Variants in UBE3B observed in about 807,000 individuals in gnomAD.
UBE3B encodes the protein ubiquitin-protein ligase E3B.
Under a neutral mutation model 132.3 loss-of-function variants are expected in UBE3B, and 80 were observed. The observed-to-expected ratio is 0.60, with a 90% CI of 0.50 to 0.73. The LOEUF is 0.73. Among genes scored for constraint, UBE3B ranks in the 30% least tolerant of loss-of-function variants. The probability of loss-of-function intolerance (pLI) is 0.00; values close to 1 mark genes in which losing one functional copy is unlikely to be tolerated. For missense variants in UBE3B, 1,196 were observed against 1,362.5 expected (o/e 0.88, Z 1.92); for synonymous variants, 487 against 520.4 (o/e 0.94, Z 0.87).
Position 109,521,051 on chromosome 12 carries a change from A to G in UBE3B, c.2077-97A>G. The stretch of plus-strand genomic sequence containing the variant: ...CGTTTCATAATTTGCACATTTGGTA[A>G]TGATGCTGGGAGAGCTTCGCACAGA... On this transcript the variant is annotated intron_variant, in intron 19 of 27. Transcript: ENST00000342494. This position sits in a 1 kb window ranked among gnomAD's most constrained non-coding sequence, Gnocchi z 4.2. 1 of 1,409,624 alleles carries G rather than the reference A, an allele frequency of 7.1e-7. No individual in the cohort carries two copies. The highest frequency in any genetic ancestry group is 9.7e-7 in the Non-Finnish European group (1 of 1,031,722). 87.3% of individuals were successfully genotyped at this position (1,409,624 alleles called of 1,614,324 possible). A position where few individuals can be genotyped will look rare whatever the true frequency, so the allele number is the denominator to read the frequency against.
At chr12:109,516,209 TC>T (rs1881033943) in intron 18 of UBE3B, among the ~76,000 whole-genome samples, 1 of 140,292 alleles carries the variant, frequency 7.1e-6, no homozygotes, top group Non-Finnish European at 1.5e-5. Context: ...TCTCACTCTG[TC>T]CCCCAGGCTG....
At chr12:109,487,130 G>C (rs1381522613) in intron 6 of UBE3B, among the ~76,000 whole-genome samples, 3 of 152,124 alleles carry the variant, frequency 2.0e-5, no homozygotes, top group Non-Finnish European at 2.9e-5. Flanking sequence ...TTGACTAAAG[G>C]GAGGAGAGGC....
intron 26 of UBE3B, among the ~76,000 whole-genome samples, chr12:109,530,921 C>CCGT (rs531371066): frequency 9.8e-5 from 15 of 152,306 alleles, no homozygotes; most frequent in South Asian, 2.1e-4. Context: ...GCTCGGCACT[C>CCGT]CGTCCTCCCC....
At chr12:109,531,183 TTGCTTAGGCTGA>T (rs1157097810) in intron 26 of UBE3B, among the ~76,000 whole-genome samples, 1 of 152,114 alleles carries the variant, frequency 6.6e-6, no homozygotes, top group Admixed American at 6.5e-5. Context: ...ACACACACAA[TTGCTTAGGCTGA>T]TATCAAGATG....
chr12:109,537,494 AGAACCC>A (rs1883496908), downstream of UBE3B, among the ~76,000 whole-genome samples: 1 of 152,206 alleles, frequency 6.6e-6, no homozygotes, highest in Admixed American at 6.5e-5. Context: ...CAGTCAGGAA[AGAACCC>A]TGGAGAGGCT....
intron 26 of UBE3B, among the ~76,000 whole-genome samples, chr12:109,532,709 G>T (rs1409856254): frequency 6.6e-6 from 1 of 152,198 alleles, no homozygotes; most frequent in African/African-American, 2.4e-5. Flanking sequence ...GGAGAACGCC[G>T]GGAGTTCCCA....
intron 9 of UBE3B, 150 bp from the exon 10 acceptor site, chr12:109,497,668 C>T (rs944743345): frequency 3.5e-5 from 26 of 744,680 alleles, no homozygotes; most frequent in African/African-American, 2.9e-4. Flanking sequence ...TGTCCATTTC[C>T]CCAGTGTATG....
intron 19 of UBE3B, chr12:109,520,046 C>T (rs1881512540): frequency 6.6e-6 from 1 of 152,246 alleles, no homozygotes; most frequent in South Asian, 2.1e-4. Flanking sequence ...TGGAGACAGC[C>T]TGTCTAACCT....
intron 16 of UBE3B, 133 bp from the exon 17 acceptor site, chr12:109,510,211 C>T (rs1206328798): frequency 6.9e-6 from 5 of 726,252 alleles, no homozygotes; most frequent in Non-Finnish European, 1.1e-5. Context: ...CCTTTTAATT[C>T]TGTCGGTTCC....
At chr12:109,490,282 A>G in intron 8 of UBE3B, 1 of 1,156,910 alleles carries the variant, frequency 8.6e-7, no homozygotes, top group Non-Finnish European at 1.2e-6. Context: ...AGGAGACCTC[A>G]GGGCTTGTTC....
chr12:109,498,654 A>G (rs1255773321), intron 11 of UBE3B, among the ~76,000 whole-genome samples: 1 of 152,148 alleles, frequency 6.6e-6, no homozygotes, highest in Non-Finnish European at 1.5e-5. Context: ...TTCCCATCTC[A>G]AGAGAGAAGG....
intron 27 of UBE3B, 169 bp downstream of exon 27, chr12:109,533,727 C>T: frequency 1.2e-6 from 1 of 843,776 alleles, no homozygotes; most frequent in Non-Finnish European, 1.9e-6. Context: ...GGAGAACCAG[C>T]CAGCCCCAGA....
chr12:109,500,011 G>A (rs1315396257), intron 12 of UBE3B, among the ~76,000 whole-genome samples: 1 of 152,196 alleles, frequency 6.6e-6, no homozygotes. Context: ...TAACTTGAGT[G>A]AACATCCTGT....
chr12:109,489,123 A>G (rs1351280594), intron 7 of UBE3B, among the ~76,000 whole-genome samples: 1 of 152,248 alleles, frequency 6.6e-6, no homozygotes, highest in African/African-American at 2.4e-5. Context: ...TAGCCCATAC[A>G]TGCCAGATGC....
At chr12:109,512,300 T>C (rs1271790725) in intron 18 of UBE3B, among the ~76,000 whole-genome samples, 1 of 152,016 alleles carries the variant, frequency 6.6e-6, no homozygotes, top group Non-Finnish European at 1.5e-5. Context: ...TCCAGGGCAC[T>C]GAGGCAGAGC....
intron 8 of UBE3B, 22 bp from the exon 9 acceptor site, chr12:109,491,023 C>T (rs760078845): frequency 4.8e-5 from 78 of 1,609,696 alleles, no homozygotes; most frequent in Non-Finnish European, 3.4e-6. Context: ...CATCCTCTGA[C>T]CAATTAAAAC....
intron 24 of UBE3B, 58 bp from the exon 25 acceptor site, chr12:109,529,832 G>T: frequency 6.3e-7 from 1 of 1,595,606 alleles, no homozygotes; most frequent in Non-Finnish European, 8.6e-7. Flanking sequence ...CAGCCCATTG[G>T]TGACAGCCTG....
At position 109,530,565 on chromosome 12, in the gene UBE3B, C is replaced by T. The variant is rs145480324; in HGVS notation, c.2829C>T (p.Tyr943=). The T allele has an allele frequency of 2.0e-5, 33 of 1,614,044 alleles. No homozygotes were observed. Among genetic ancestry groups the T allele is most frequent in the Non-Finnish European group, 2.2e-5 (26 of 1,180,020 alleles). The part of the protein sequence containing the change: ...LEDLKKHTVY[Y]GGFHGSHRVI... ...CTTTCAGGAAGCACACAGTCTACTA[C>T]GGTGGTTTCCATGGAAGTCACAGAG... is the stretch of plus-strand genomic sequence containing the variant. The change falls in exon 26 of 28, where the codon TAC becomes TAT. Residue 943 remains tyrosine, a synonymous_variant. Transcript: ENST00000342494.
At position 109,521,308 on chromosome 12, in the gene UBE3B, C is replaced by T; in HGVS notation, c.2237C>T (p.Ala746Val). The change falls in exon 20 of 28, where the codon GCA becomes GTA. Residue 746 changes from alanine (A) to valine (V), a missense_variant. Transcript: ENST00000342494. This position sits in a 1 kb window ranked among gnomAD's most constrained non-coding sequence, Gnocchi z 4.2. ...EEIIKRVFDP[A>V]LNLFKTTSGD... The stretch of plus-strand genomic sequence containing the variant: ...ATCATCAAGAGAGTTTTTGACCCAG[C>T]ACTCAATCTGTTCAAGGTATTTAAG... The T allele has an allele frequency of 6.2e-7, 1 of 1,614,170 alleles. No individual in the cohort carries two copies. The highest frequency in any genetic ancestry group is 8.5e-7 in the Non-Finnish European group (1 of 1,180,030).
Sources: gnomAD v4.1 joint callset for allele counts (sites outside exome capture counted in the v4.1 genomes callset) on GRCh38, gnomAD v4.1.1 for gene constraint, Gnocchi (gnomAD v3.1) non-coding constraint, MANE v1.5 for transcripts, NCBI Gene and HGNC (gene_info 2026-07-23, HGNC 2026-07-21) for gene names.